SYNGR1: variants seen among roughly 807,000 people sequenced by gnomAD.
The protein encoded by SYNGR1 is synaptogyrin-1.
Under a neutral mutation model 26.1 loss-of-function variants are expected in SYNGR1, and 14 were observed. The observed-to-expected ratio is 0.54, with a 90% CI of 0.35 to 0.84. The LOEUF (loss-of-function observed/expected upper bound fraction) is 0.84. Ranked by LOEUF, SYNGR1 falls within the 40% of genes least tolerant of loss-of-function variation. SYNGR1 has a pLI of 0.01. For synonymous variants in SYNGR1, 141 were observed against 150.1 expected (o/e 0.94, Z 0.44); for missense variants, 319 against 332.9 (o/e 0.96, Z 0.33).
At chr22:39,363,254 G>A (rs949509000) in intron 1 of SYNGR1, among the ~76,000 whole-genome samples, 10 of 151,848 alleles carry the variant, frequency 6.6e-5, no homozygotes, top group Admixed American at 3.3e-4. Flanking sequence ...GGCAGGGGGC[G>A]GTGGGTGAGC....
chr22:39,381,997 G>A lies in SYNGR1; in HGVS notation c.*83G>A, dbSNP rs774075658. The A allele has an allele frequency of 1.9e-5, 27 of 1,446,720 alleles. No homozygotes were observed. The highest frequency in any genetic ancestry group is 2.5e-5 in the Non-Finnish European group (27 of 1,064,062). The allele number at this position is 1,446,720 out of a possible 1,614,324, so 89.6% of individuals were successfully genotyped here. Reference sequence around the variant, plus strand: ...CCCCTGCTCCTGCCCAGGCTGCCCTGCCCAGCGCCTCATCAGCCTCTGCCT... The same window carrying A: ...CCCCTGCTCCTGCCCAGGCTGCCCTACCCAGCGCCTCATCAGCCTCTGCCT... On this transcript the variant is annotated 3_prime_UTR_variant, in exon 4 of 4. Coordinates refer to ENST00000328933, the MANE Select transcript of SYNGR1 (RefSeq NM_004711.5).
At chr22:39,362,535 C>G (rs1402337403) in intron 1 of SYNGR1, among the ~76,000 whole-genome samples, 1 of 152,152 alleles carries the variant, frequency 6.6e-6, no homozygotes, top group South Asian at 2.1e-4. Context: ...CGGCTTCAGC[C>G]ATTTTCCTCA....
Position 39,374,536 on chromosome 22 carries a change from C to T in SYNGR1, c.320C>T (p.Ser107Phe). 3 of 1,613,474 alleles carry T rather than the reference C, an allele frequency of 1.9e-6. No individual in the cohort carries two copies. Among genetic ancestry groups the T allele is most frequent in the Non-Finnish European group, 2.5e-6 (3 of 1,179,998 alleles). ...SVKDRKKAVL[S>F]DIGVSAFWAF... Reference sequence around the variant, plus strand: ...AAGGACCGCAAGAAAGCCGTCCTGTCCGACATCGGTGTCTCGGGTGAGCCC... The same window carrying T: ...AAGGACCGCAAGAAAGCCGTCCTGTTCGACATCGGTGTCTCGGGTGAGCCC... The change falls in exon 2 of 4, where the codon TCC becomes TTC. Residue 107 changes from serine to phenylalanine, a missense_variant. Coordinates refer to ENST00000328933, the MANE Select transcript of SYNGR1 (RefSeq NM_004711.5).
chr22:39,360,969 C>T (rs1220206650), intron 1 of SYNGR1, among the ~76,000 whole-genome samples: 2 of 152,226 alleles, frequency 1.3e-5, no homozygotes, highest in African/African-American at 2.4e-5. Context: ...AGGGCCCCAA[C>T]TATGGATGGA....
chr22:39,373,138 T>TACACACAC (rs10548475), intron 1 of SYNGR1, among the ~76,000 whole-genome samples: 1 of 146,318 alleles, frequency 6.8e-6, no homozygotes, highest in African/African-American at 2.5e-5. Context: ...TTCTATTTAA[T>TACACACAC]ACACACACAC....
chr22:39,364,311 T>C, intron 1 of SYNGR1: 1 of 1,614,076 alleles, frequency 6.2e-7, no homozygotes. Flanking sequence ...GTTCCCCATC[T>C]GCTGTGGGTC....
At chr22:39,360,553 G>C (rs945093030) in intron 1 of SYNGR1, among the ~76,000 whole-genome samples, 1 of 152,126 alleles carries the variant, frequency 6.6e-6, no homozygotes, top group Non-Finnish European at 1.5e-5. Context: ...GAATCCAAAC[G>C]GCTGCAGAAT....
chr22:39,377,304 G>T (rs1925327092), intron 3 of SYNGR1: 1 of 985,296 alleles, frequency 1.0e-6, no homozygotes, highest in Non-Finnish European at 1.2e-6. Context: ...CGTGGTTCAG[G>T]CCCTAGTGGG....
chr22:39,377,663 A>G (rs1303999070), intron 3 of SYNGR1: 6 of 1,613,628 alleles, frequency 3.7e-6, no homozygotes, highest in Admixed American at 1.7e-5. Context: ...AGTACAGCAC[A>G]CTGTTCCCTG....
At chr22:39,366,976 T>C (rs1924789196) in intron 1 of SYNGR1, among the ~76,000 whole-genome samples, 1 of 152,212 alleles carries the variant, frequency 6.6e-6, no homozygotes, top group Non-Finnish European at 1.5e-5. Context: ...ATGCCGCTCC[T>C]GAACACACAC....
chr22:39,375,472 C>T lies in SYNGR1; in HGVS notation c.338-580C>T, dbSNP rs976940973. ...CTCCCACTGCTGACGCCCCCAGGCTCGGCTCTCAGTGGGCCCCTCGCTAAA... is the reference window on the plus strand; with the variant it reads ...CTCCCACTGCTGACGCCCCCAGGCTTGGCTCTCAGTGGGCCCCTCGCTAAA... On this transcript the variant is annotated intron_variant, in intron 2 of 3. Coordinates refer to ENST00000328933, the MANE Select transcript of SYNGR1 (RefSeq NM_004711.5). 3.2e-5 allele frequency: 6 copies of T among 187,572 alleles called. No homozygotes were observed. In the East Asian group the frequency reaches 5.6e-4, roughly 18 times the overall value. The allele number at this position is 187,572 out of a possible 1,614,324, so 11.6% of individuals were successfully genotyped here. A position where few individuals can be genotyped will look rare whatever the true frequency, so the allele number is the denominator to read the frequency against.
rs1923841063 is a variant in SYNGR1, at chr22:39,350,299, G to C, written c.99+190G>C. 6.6e-6 allele frequency among the ~76,000 whole-genome samples: 1 copy of C among 152,044 alleles called. No homozygotes were observed. The highest frequency in any genetic ancestry group is 2.4e-5 in the African/African-American group (1 of 41,532). The stretch of plus-strand genomic sequence containing the variant: ...TCCTTCCCGGGCCCGGGGCGGGCGG[G>C]ATCCCTGGTGCTCGCGGGAGACGCC... On this transcript the variant is annotated intron_variant, in intron 1 of 3. Coordinates refer to ENST00000328933, the MANE Select transcript of SYNGR1 (RefSeq NM_004711.5). This position sits in a 1 kb window ranked among gnomAD's most constrained non-coding sequence, Gnocchi z 4.3.
In SYNGR1 at chr22:39,358,395, C is replaced by T. The variant is rs572980221; in HGVS notation, c.99+8286C>T. Among the ~76,000 whole-genome samples the T allele has an allele frequency of 1.2e-4, 19 of 152,320 alleles. 1 individual carries two copies. The South Asian group carries it at 3.3e-3, about 27-fold the overall frequency. On this transcript the variant is annotated intron_variant, in intron 1 of 3. Coordinates refer to ENST00000328933, the MANE Select transcript of SYNGR1 (RefSeq NM_004711.5). ...AGGCTGCCCGAGCTTGCATTGGCAA[C>T]CTGCTCAGTTCCAAAGCTTTGTTCG...
intron 1 of SYNGR1, among the ~76,000 whole-genome samples, chr22:39,363,631 G>A (rs1472476392): frequency 1.3e-5 from 2 of 152,082 alleles, no homozygotes; most frequent in African/African-American, 4.8e-5. Flanking sequence ...CTAGGGTGAT[G>A]GACTTTATCT....
At chr22:39,359,404 A>G (rs1317959107) in intron 1 of SYNGR1, among the ~76,000 whole-genome samples, 1 of 151,694 alleles carries the variant, frequency 6.6e-6, no homozygotes, top group Non-Finnish European at 1.5e-5. Flanking sequence ...GGCGGATCAC[A>G]AGGTCAGGAG....
At chr22:39,361,997 T>C (rs1482495989) in intron 1 of SYNGR1, among the ~76,000 whole-genome samples, 1 of 146,184 alleles carries the variant, frequency 6.8e-6, no homozygotes, top group African/African-American at 2.6e-5. Flanking sequence ...TCTGGGTCTT[T>C]GTTTCCTCCT....
At chr22:39,352,947 C>T (rs531561851) in intron 1 of SYNGR1, among the ~76,000 whole-genome samples, 3 of 152,228 alleles carry the variant, frequency 2.0e-5, no homozygotes, top group South Asian at 2.1e-4. Flanking sequence ...TTGCAACCTC[C>T]GCCTCCCAGG....
At position 39,382,663 on chromosome 22, in the gene SYNGR1, G is replaced by A. The variant is rs1925536402; in HGVS notation, c.*749G>A. 2 of 152,944 alleles carry A rather than the reference G, an allele frequency of 1.3e-5. No homozygotes were observed. Among genetic ancestry groups the A allele is most frequent in the South Asian group, 4.1e-4 (2 of 4,856 alleles). 9.5% of individuals were successfully genotyped at this position (152,944 alleles called of 1,614,324 possible). On this transcript the variant is annotated 3_prime_UTR_variant, in exon 4 of 4. Transcript: ENST00000328933. ...GAGGCCTTGGGGCCCTCAGCCCCTTGAGACACCCTGATTCTGCTGCATGCC... is the reference window on the plus strand; with the variant it reads ...GAGGCCTTGGGGCCCTCAGCCCCTTAAGACACCCTGATTCTGCTGCATGCC...
At position 39,384,930 on chromosome 22, in the gene SYNGR1, TCA is replaced by T. The variant is rs1334974619; in HGVS notation, c.*3019_*3020del. On this transcript the variant is annotated 3_prime_UTR_variant, in exon 4 of 4. Coordinates refer to ENST00000328933, the MANE Select transcript of SYNGR1 (RefSeq NM_004711.5). ...TTCTGAGTTGGCTCATCCTGGGCAG[TCA>T]CAGACTGTCCTGCCTGCACGGCTCC... 4.0e-5 allele frequency: 16 copies of T among 398,812 alleles called. No homozygotes were observed. The highest frequency in any genetic ancestry group is 2.5e-4 in the South Asian group (2 of 7,858). 24.7% of individuals were successfully genotyped at this position (398,812 alleles called of 1,614,324 possible).
Sources: gnomAD v4.1 joint callset for allele counts (sites outside exome capture counted in the v4.1 genomes callset) on GRCh38, gnomAD v4.1.1 for gene constraint, Gnocchi (gnomAD v3.1) non-coding constraint, MANE v1.5 for transcripts, NCBI Gene and HGNC (gene_info 2026-07-23, HGNC 2026-07-21) for gene names.